Variants in PDE4D observed in about 807,000 individuals in gnomAD.
The protein encoded by PDE4D is phosphodiesterase 4D.
Under a neutral mutation model 87.4 loss-of-function variants are expected in PDE4D, and 24 were observed. The ratio of observed to expected loss-of-function variants is 0.27; its 90% CI spans 0.20 to 0.39. The LOEUF is 0.39. Among genes scored for constraint, PDE4D ranks in the 10% least tolerant of loss-of-function variants. The probability of loss-of-function intolerance (pLI) is 1.00; values close to 1 mark genes in which losing one functional copy is unlikely to be tolerated. For missense variants in PDE4D, 714 were observed against 1,041.0 expected, an observed-to-expected ratio of 0.69 and a Z score of 4.32; for synonymous variants, 384 against 383.2, an observed-to-expected ratio of 1.00 and a Z score of -0.02.
At chr5:59,105,812 A>G (rs926191794) in intron 5 of PDE4D, among the ~76,000 whole-genome samples, 5 of 152,152 alleles carry the variant, frequency 3.3e-5, no homozygotes, top group Non-Finnish European at 5.9e-5. Flanking sequence ...CAGGGGTCAG[A>G]CTCAGTAGCG....
intron 2 of PDE4D, among the ~76,000 whole-genome samples, chr5:60,079,401 T>C (rs1277130808): frequency 2.0e-5 from 3 of 152,266 alleles, no homozygotes; most frequent in Non-Finnish European, 2.9e-5. Context: ...TTGTCAATTT[T>C]GGCTTTTGTT....
intron 1 of PDE4D, among the ~76,000 whole-genome samples, chr5:59,836,646 C>CTATCTATCTATCTATCTATA (rs1561741410): frequency 4.0e-5 from 6 of 151,582 alleles, no homozygotes; most frequent in African/African-American, 1.5e-4. Context: ...ATCTATCTAT[C>CTATCTATCTATCTATCTATA]TATCTATCTA....
At chr5:60,306,989 T>C (rs1008831228) in intron 1 of PDE4D, among the ~76,000 whole-genome samples, 2 of 152,180 alleles carry the variant, frequency 1.3e-5, no homozygotes, top group Non-Finnish European at 2.9e-5. Flanking sequence ...GCAAAACTAT[T>C]TGTGGTTTTT....
intron 3 of PDE4D, among the ~76,000 whole-genome samples, chr5:59,903,529 G>A (rs928256385): frequency 6.6e-6 from 1 of 152,072 alleles, no homozygotes; most frequent in Admixed American, 6.6e-5. Flanking sequence ...AGGTAATTGC[G>A]ATTTTTGTGA....
At chr5:60,064,812 G>A (rs1771871901) in intron 2 of PDE4D, among the ~76,000 whole-genome samples, 1 of 152,056 alleles carries the variant, frequency 6.6e-6, no homozygotes, top group South Asian at 2.1e-4. Flanking sequence ...TCTGCTCCCA[G>A]TATAAATGTC....
At chr5:59,539,096 T>G (rs1210443130) in intron 1 of PDE4D, among the ~76,000 whole-genome samples, 1 of 152,206 alleles carries the variant, frequency 6.6e-6, no homozygotes, top group African/African-American at 2.4e-5. Context: ...GTAATTGATG[T>G]TTACTCATCT....
At chr5:60,417,252 A>G (rs1742687370) in intron 1 of PDE4D, among the ~76,000 whole-genome samples, 1 of 152,218 alleles carries the variant, frequency 6.6e-6, no homozygotes, top group African/African-American at 2.4e-5. Context: ...GATGAGTACA[A>G]TTGTATCACG....
intron 1 of PDE4D, among the ~76,000 whole-genome samples, chr5:59,847,969 T>C (rs1026482774): frequency 1.3e-5 from 2 of 152,098 alleles, no homozygotes; most frequent in Non-Finnish European, 2.9e-5. Context: ...TGTTTCTTAT[T>C]TCATAACATA....
chr5:60,488,620 T>A (rs1042954866), upstream of PDE4D, among the ~76,000 whole-genome samples: 9 of 151,770 alleles, frequency 5.9e-5, no homozygotes, highest in African/African-American at 2.2e-4. Flanking sequence ...ACTAAAACGA[T>A]CATTTGTGGA....
intron 1 of PDE4D, among the ~76,000 whole-genome samples, chr5:60,239,336 T>C (rs973643414): frequency 6.6e-6 from 1 of 152,100 alleles, no homozygotes; most frequent in Non-Finnish European, 1.5e-5. Context: ...ATCACTATAC[T>C]TTTACAGTAG....
intron 3 of PDE4D, among the ~76,000 whole-genome samples, chr5:59,963,164 T>G (rs1234208245): frequency 6.6e-6 from 1 of 152,210 alleles, no homozygotes; most frequent in African/African-American, 2.4e-5. Flanking sequence ...TCTACCTTGC[T>G]TTTGTTGATA....
At chr5:59,480,696 A>G (rs1804105445) in intron 1 of PDE4D, among the ~76,000 whole-genome samples, 1 of 152,180 alleles carries the variant, frequency 6.6e-6, no homozygotes, top group Admixed American at 6.6e-5. Context: ...ATTACTTTGT[A>G]TCTTTCCAAT....
At chr5:59,077,865 A>G (rs1765981270) in intron 5 of PDE4D, among the ~76,000 whole-genome samples, 2 of 152,158 alleles carry the variant, frequency 1.3e-5, no homozygotes, top group Non-Finnish European at 2.9e-5. Context: ...TAAGAACAAC[A>G]AAGACAAAAA....
chr5:60,161,579 C>G (rs1008477853), intron 2 of PDE4D, among the ~76,000 whole-genome samples: 1 of 152,052 alleles, frequency 6.6e-6, no homozygotes, highest in South Asian at 2.1e-4. Flanking sequence ...TTCTGGATCC[C>G]CTAGTTGAAG....
chr5:59,815,588 GAGTT>G (rs1768885151), intron 1 of PDE4D, among the ~76,000 whole-genome samples: 2 of 152,310 alleles, frequency 1.3e-5, no homozygotes, highest in Admixed American at 6.5e-5. Context: ...ACATATAAAA[GAGTT>G]AGAACAAATC....
chr5:60,023,826 G>C (rs1413969563), intron 2 of PDE4D, among the ~76,000 whole-genome samples: 1 of 152,138 alleles, frequency 6.6e-6, no homozygotes, highest in Non-Finnish European at 1.5e-5. Flanking sequence ...CATCAGAGTT[G>C]TTGGGGAAGC....
chr5:59,615,828 CA>C (rs1298561530), intron 1 of PDE4D, among the ~76,000 whole-genome samples: 1 of 152,068 alleles, frequency 6.6e-6, no homozygotes, highest in African/African-American at 2.4e-5. Context: ...AGGGTTAGAC[CA>C]AAAGAGGACT....
intron 11 of PDE4D, among the ~76,000 whole-genome samples, chr5:58,983,155 A>G (rs1044100027): frequency 6.6e-6 from 1 of 152,214 alleles, no homozygotes; most frequent in Admixed American, 6.5e-5. Context: ...TCCTTCAGAG[A>G]TGTCCCAGAG....
At chr5:59,701,373 C>G (rs1251253538) in intron 1 of PDE4D, among the ~76,000 whole-genome samples, 1 of 152,154 alleles carries the variant, frequency 6.6e-6, no homozygotes, top group Non-Finnish European at 1.5e-5. Context: ...ATTTGAACTA[C>G]TTTAATCTAA....
Sources: allele counts gnomAD v4.1 joint callset (sites outside exome capture counted in the v4.1 genomes callset), GRCh38; gene constraint gnomAD v4.1.1; transcripts MANE v1.5; gene names NCBI Gene and HGNC (gene_info 2026-07-23, HGNC 2026-07-21).